The following PTPRN2 variants were observed in gnomAD, a reference collection of about 807,000 sequenced individuals.
PTPRN2 encodes protein tyrosine phosphatase receptor type N2, also known as receptor-type tyrosine-protein phosphatase N2.
A neutral mutation model predicts 118.8 loss-of-function variants in PTPRN2; 74 were observed. The observed-to-expected ratio is 0.62, with a 90% CI of 0.52 to 0.76. The LOEUF is 0.76. Ranked by LOEUF, PTPRN2 falls within the 30% of genes least tolerant of loss-of-function variation. The pLI is 0.00. For missense variants in PTPRN2, 1,481 were observed against 1,394.4 expected (o/e 1.06, Z -0.99); for synonymous variants, 641 against 608.0 (o/e 1.05, Z -0.80).
At chr7:157,771,947 GAC>G (rs755143351) in intron 12 of PTPRN2, among the ~76,000 whole-genome samples, 1 of 136,414 alleles carries the variant, frequency 7.3e-6, no homozygotes, top group East Asian at 2.1e-4. Context: ...CACATACAAA[GAC>G]ACACATACAG....
intron 13 of PTPRN2, among the ~76,000 whole-genome samples, chr7:157,670,926 A>G (rs1796378553): frequency 2.6e-5 from 4 of 152,046 alleles, no homozygotes; most frequent in Admixed American, 2.6e-4. Context: ...TTTTACAAGA[A>G]ACTTTTGCAC....
At position 158,003,016 on chromosome 7, in the gene PTPRN2, CAGG is replaced by C. The variant is rs2128861388; in HGVS notation, c.1723+78279_1723+78281del. ...GAGGAGGAAAGAGCACAGGAGAGGG[CAGG>C]AGATGTTTGGCTTCTGTCATGAGCT... On this transcript the variant is annotated intron_variant, in intron 11 of 22. Transcript: ENST00000389418. This position sits in a 1 kb window ranked among gnomAD's most constrained non-coding sequence, Gnocchi z 5.0. 6.6e-6 allele frequency among the ~76,000 whole-genome samples: 1 copy of C among 152,232 alleles called. No homozygotes were observed. Among genetic ancestry groups the C allele is most frequent in the East Asian group, 1.9e-4 (1 of 5,146 alleles).
chr7:157,643,466 A>G (rs1051050702), intron 14 of PTPRN2, among the ~76,000 whole-genome samples: 1 of 152,230 alleles, frequency 6.6e-6, no homozygotes, highest in African/African-American at 2.4e-5. Context: ...TCACAACCCA[A>G]CTATCCACAG....
In PTPRN2 at chr7:157,550,615, C is replaced by A. The variant is rs745974364; in HGVS notation, c.2903-1596G>T. Among the ~76,000 whole-genome samples the A allele has an allele frequency of 1.2e-4, 18 of 152,312 alleles. No individual in the cohort carries two copies. Among genetic ancestry groups the A allele is most frequent in the Non-Finnish European group, 2.2e-4 (15 of 68,026 alleles). On this transcript the variant is annotated intron_variant, in intron 21 of 22. Transcript: ENST00000389418. The surrounding 1 kb of genome is among the most constrained non-coding windows in gnomAD (Gnocchi z 5.2). ...GGAACAGGGCTCGTGGTGATGGGAG[C>A]CACTGTCGGGGCTAAGCTGGCCGTC...
intron 9 of PTPRN2, among the ~76,000 whole-genome samples, chr7:158,131,778 T>A (rs1818332491): frequency 6.8e-6 from 1 of 146,154 alleles, no homozygotes; most frequent in Non-Finnish European, 1.5e-5. Context: ...CCGATACACA[T>A]CTACCCGACA....
intron 1 of PTPRN2, among the ~76,000 whole-genome samples, chr7:158,560,810 A>G (rs1827333053): frequency 6.6e-6 from 1 of 152,270 alleles, no homozygotes; most frequent in Admixed American, 6.5e-5. Context: ...TGCATCTTGA[A>G]CAGCTTTAAA....
Position 157,801,068 on chromosome 7 carries a change from C to CATATATATACACACACACACACAT in PTPRN2, c.1788+97581_1788+97604dup. Among the ~76,000 whole-genome samples, 1 of 147,456 alleles carries CATATATATACACACACACACACAT rather than the reference C, an allele frequency of 6.8e-6. No individual in the cohort carries two copies. The stretch of plus-strand genomic sequence containing the variant: ...ACACATATATACACATATATATACA[C>CATATATATACACACACACACACAT]ATATATATACACACACACACACATA... On this transcript the variant is annotated intron_variant, in intron 12 of 22. Transcript: ENST00000389418. The surrounding 1 kb of genome is among the most constrained non-coding windows in gnomAD (Gnocchi z 4.2).
intron 3 of PTPRN2, among the ~76,000 whole-genome samples, chr7:158,279,457 C>T (rs1799263032): frequency 6.6e-6 from 1 of 152,228 alleles, no homozygotes; most frequent in Non-Finnish European, 1.5e-5. Context: ...CCGGGCACTC[C>T]AGGCAGCCCA....
rs146516476 is a variant in PTPRN2 at position 158,192,470 on chromosome 7, C to A, written c.406G>T (p.Glu136Ter). The A allele has an allele frequency of 6.3e-7, 1 of 1,578,372 alleles. No homozygotes were observed. The highest frequency in any genetic ancestry group is 1.4e-5 in the African/African-American group (1 of 72,270). Reference protein sequence around the residue: ...ARPSKHSVGSERRYSREGGAA... With the variant: ...ARPSKHSVGS ...CCGCCCTCCCGACTGTACCTCCTCT[C>A]GCTGCCAACGCTGTGTTTTGAGGGC... Residue 136 changes from glutamate to a stop codon, truncating the protein, a stop_gained, in exon 5 of 23, where the codon GAG (glutamate) becomes TAG (stop). Coordinates refer to ENST00000389418, the MANE Select transcript of PTPRN2 (RefSeq NM_002847.5). LOFTEE classifies it high-confidence loss of function.
intron 2 of PTPRN2, among the ~76,000 whole-genome samples, chr7:158,442,385 A>G (rs1817413328): frequency 6.6e-6 from 1 of 152,128 alleles, no homozygotes; most frequent in Non-Finnish European, 1.5e-5. Context: ...CCAGTTACCT[A>G]TTCATGGTTA....
intron 11 of PTPRN2, among the ~76,000 whole-genome samples, chr7:158,016,144 C>A (rs575226692): frequency 6.6e-6 from 1 of 152,208 alleles, no homozygotes; most frequent in Non-Finnish European, 1.5e-5. Flanking sequence ...AGAGAAAAAA[C>A]GATGCTTCCG....
intron 12 of PTPRN2, among the ~76,000 whole-genome samples, chr7:157,722,820 G>A (rs964413812): frequency 7.9e-5 from 12 of 152,084 alleles, no homozygotes; most frequent in East Asian, 1.9e-4. Context: ...TGAGCGAGGC[G>A]GTGCAGGGTG....
chr7:158,187,400 C>T (rs1342805425), intron 5 of PTPRN2, among the ~76,000 whole-genome samples: 1 of 152,168 alleles, frequency 6.6e-6, no homozygotes, highest in Non-Finnish European at 1.5e-5. Context: ...GTATATAAAG[C>T]TTAAATTTCC....
At position 157,632,188 on chromosome 7, in the gene PTPRN2, T is replaced by C. The variant is rs1011558347; in HGVS notation, c.2197-10679A>G. Among the ~76,000 whole-genome samples the C allele has an allele frequency of 9.2e-5, 14 of 152,320 alleles. No individual in the cohort carries two copies. The highest frequency in any genetic ancestry group is 3.1e-4 in the African/African-American group (13 of 41,578). The stretch of plus-strand genomic sequence containing the variant: ...CACTGACAAAGGAGTTCTTACACAA[T>C]GCCCAGGTGACCTGCAGGGTACTTC... On this transcript the variant is annotated intron_variant, in intron 14 of 22. Transcript: ENST00000389418. The surrounding 1 kb of genome is among the most constrained non-coding windows in gnomAD (Gnocchi z 4.3).
rs568269186 is a variant in PTPRN2, at chr7:157,609,349, C to T, written c.2345-5274G>A. On this transcript the variant is annotated intron_variant, in intron 15 of 22. Transcript: ENST00000389418. This position sits in a 1 kb window ranked among gnomAD's most constrained non-coding sequence, Gnocchi z 4.9. ...AGTGAGCTGAGACTGTGCCATTGCA[C>T]TCCAGCCTGGACAACAAGAGTGAAA... Among the ~76,000 whole-genome samples, 14 of 152,210 alleles carry T rather than the reference C, an allele frequency of 9.2e-5. No individual in the cohort carries two copies. Among genetic ancestry groups the T allele is most frequent in the African/African-American group, 3.4e-4 (14 of 41,522 alleles).
chr7:158,232,832 G>T (rs1238588159), intron 3 of PTPRN2, among the ~76,000 whole-genome samples: 2 of 152,066 alleles, frequency 1.3e-5, no homozygotes, highest in African/African-American at 4.8e-5. Context: ...AAAACTACAT[G>T]ATCATTTCAA....
At chr7:157,752,333 G>A (rs1337919537) in intron 12 of PTPRN2, among the ~76,000 whole-genome samples, 1 of 152,236 alleles carries the variant, frequency 6.6e-6, no homozygotes, top group Admixed American at 6.5e-5. Context: ...GGAAGGCACA[G>A]CCACAGCTTC....
In PTPRN2 at chr7:157,813,313, G is replaced by T. The variant is rs557123510; in HGVS notation, c.1788+85360C>A. The stretch of plus-strand genomic sequence containing the variant: ...GCTGTGGGGTGTGAGTCCAGCCAGT[G>T]CTGGGAAGCCGGTGTGGCTAGGACA... On this transcript the variant is annotated intron_variant, in intron 12 of 22. Transcript: ENST00000389418. This position sits in a 1 kb window ranked among gnomAD's most constrained non-coding sequence, Gnocchi z 4.7. Among the ~76,000 whole-genome samples the T allele has an allele frequency of 6.6e-5, 10 of 152,266 alleles. No individual in the cohort carries two copies. Among genetic ancestry groups the T allele is most frequent in the Non-Finnish European group, 1.5e-4 (10 of 68,024 alleles).
chr7:157,916,308 C>T (rs1241824368), intron 11 of PTPRN2, among the ~76,000 whole-genome samples: 1 of 152,182 alleles, frequency 6.6e-6, no homozygotes, highest in Non-Finnish European at 1.5e-5. Flanking sequence ...TGTGCAGGGC[C>T]TGGTGGTTAT....
Sources: allele counts gnomAD v4.1 joint callset (sites outside exome capture counted in the v4.1 genomes callset), GRCh38; gene constraint gnomAD v4.1.1; non-coding constraint Gnocchi (gnomAD v3.1); transcripts MANE v1.5; gene names NCBI Gene and HGNC (gene_info 2026-07-23, HGNC 2026-07-21).